ARMC2: variants seen among roughly 807,000 people sequenced by gnomAD.
ARMC2 encodes armadillo repeat-containing protein 2.
Under a neutral mutation model 90.3 loss-of-function variants are expected in ARMC2, and 67 were observed. That is an observed-to-expected ratio of 0.74 (90% confidence interval 0.61 to 0.91). The LOEUF (loss-of-function observed/expected upper bound fraction) is 0.91, where lower values mean the gene tolerates loss of function less well. Among genes scored for constraint, ARMC2 ranks in the 40% least tolerant of loss-of-function variants. The pLI is 0.00. For synonymous variants in ARMC2, 393 were observed against 393.0 expected (o/e 1.00, Z 0.00); for missense variants, 920 against 1,030.9 (o/e 0.89, Z 1.47).
rs1285655494 is a variant in ARMC2 at position 108,890,331 on chromosome 6, A to G, written c.672-4136A>G. Among the ~76,000 whole-genome samples, 10 of 150,646 alleles carry G rather than the reference A, an allele frequency of 6.6e-5. No individual in the cohort carries two copies. The South Asian group carries it at 2.1e-3, about 31-fold the overall frequency. ...GATTTGACTCTGGACTGCTTAGACA[A>G]GTGATTACTGACTCATAAGGAAAGA... is the stretch of plus-strand genomic sequence containing the variant. On this transcript the variant is annotated intron_variant, in intron 5 of 17. Transcript: ENST00000392644.
In ARMC2 at chr6:108,904,119, A is replaced by G. The variant is rs996034575; in HGVS notation, c.848-111A>G. 9 of 1,263,160 alleles carry G rather than the reference A, an allele frequency of 7.1e-6. No homozygotes were observed. In the African/African-American group the frequency reaches 1.4e-4, roughly 19 times the overall value. 78.2% of individuals were successfully genotyped at this position (1,263,160 alleles called of 1,614,324 possible). On this transcript the variant is annotated intron_variant, in intron 7 of 17. Transcript: ENST00000392644. Reference sequence around the variant, plus strand: ...AAAAAAATAGAGGTCAGGAATTTGAAGATATCCAAGGAAATAATTATGGGG... The same window carrying G: ...AAAAAAATAGAGGTCAGGAATTTGAGGATATCCAAGGAAATAATTATGGGG...
chr6:108,951,668 C>G (rs991998921), intron 12 of ARMC2, among the ~76,000 whole-genome samples: 8 of 152,208 alleles, frequency 5.3e-5, no homozygotes, highest in African/African-American at 1.9e-4. Context: ...TGTACTCTGC[C>G]CCCAATCCTC....
At chr6:108,880,936 AC>A in intron 5 of ARMC2, among the ~76,000 whole-genome samples, 1 of 151,224 alleles carries the variant, frequency 6.6e-6, no homozygotes, top group Non-Finnish European at 1.5e-5. Flanking sequence ...GCTCACTGCA[AC>A]CTCCGCCTCC....
At chr6:108,869,235 C>T (rs1000845019) in intron 4 of ARMC2, among the ~76,000 whole-genome samples, 1 of 152,188 alleles carries the variant, frequency 6.6e-6, no homozygotes, top group Non-Finnish European at 1.5e-5. Context: ...TGACTGGGCG[C>T]GGTGGCTCAT....
At chr6:108,938,376 C>T (rs961540329) in intron 12 of ARMC2, among the ~76,000 whole-genome samples, 10 of 150,696 alleles carry the variant, frequency 6.6e-5, no homozygotes, top group African/African-American at 2.2e-4. Context: ...TTTAGCCTCC[C>T]AAGTAGGGAT....
At chr6:108,896,229 T>G (rs191558901) in intron 6 of ARMC2, among the ~76,000 whole-genome samples, 13 of 152,220 alleles carry the variant, frequency 8.5e-5, no homozygotes, top group Admixed American at 2.6e-4. Context: ...AAAGCTGTGG[T>G]TAACAACTAT....
chr6:108,953,326 A>G lies in ARMC2; in HGVS notation c.1890A>G (p.Ile630Met). Reference sequence around the variant, plus strand: ...CGGTGCTGGCCGCCAACCCGGGGATAGTGGGCCTGCTCCTGACCACGCTGG... The same window carrying G: ...CGGTGCTGGCCGCCAACCCGGGGATGGTGGGCCTGCTCCTGACCACGCTGG... ...VGPVLAANPGIVGLLLTTLEY... is the reference protein window; with the variant it reads ...VGPVLAANPGMVGLLLTTLEY... The change falls in exon 13 of 18, where the codon ATA becomes ATG. Residue 630 changes from isoleucine to methionine, a missense_variant. Transcript: ENST00000392644. The G allele has an allele frequency of 1.9e-6, 3 of 1,607,378 alleles. No individual in the cohort carries two copies. Among genetic ancestry groups the G allele is most frequent in the Non-Finnish European group, 2.5e-6 (3 of 1,178,850 alleles).
chr6:108,945,939 C>T (rs949839029), intron 12 of ARMC2, among the ~76,000 whole-genome samples: 9 of 152,248 alleles, frequency 5.9e-5, no homozygotes, highest in African/African-American at 1.9e-4. Context: ...TTGTCCTCTG[C>T]CTCCTGCCTG....
chr6:109,019,229 C>CA, the ARMC2 span, among the ~76,000 whole-genome samples: 1 of 152,124 alleles, frequency 6.6e-6, no homozygotes, highest in Non-Finnish European at 1.5e-5. Flanking sequence ...ACACACCCCT[C>CA]ATGATCTGTA....
downstream of ARMC2, among the ~76,000 whole-genome samples, chr6:108,977,617 C>G (rs981911874): frequency 6.6e-6 from 1 of 152,140 alleles, no homozygotes; most frequent in Non-Finnish European, 1.5e-5. Flanking sequence ...GACTGTGAAT[C>G]TGTCTGGTCC....
rs1344061342 is a variant in ARMC2, at chr6:108,964,243, G to T, written c.2216G>T (p.Gly739Val). Residue 739 changes from glycine to valine, a missense_variant, in exon 16 of 18, where the codon GGT (glycine) becomes GTT (valine). Coordinates refer to ENST00000392644, the MANE Select transcript of ARMC2 (RefSeq NM_032131.6). ...CAGGATATCTGCTTTTCTGCCTGTGGTGTTCTCCTCAATCTCACTGTGGAT... is the reference window on the plus strand; with the variant it reads ...CAGGATATCTGCTTTTCTGCCTGTGTTGTTCTCCTCAATCTCACTGTGGAT... The part of the protein sequence containing the change: ...QHQDICFSAC[G>V]VLLNLTVDKD... The T allele has an allele frequency of 2.5e-6, 4 of 1,613,828 alleles. No homozygotes were observed. The highest frequency in any genetic ancestry group is 3.4e-6 in the Non-Finnish European group (4 of 1,179,866).
At chr6:108,943,568 T>C (rs1236707472) in intron 12 of ARMC2, among the ~76,000 whole-genome samples, 2 of 152,120 alleles carry the variant, frequency 1.3e-5, no homozygotes, top group Admixed American at 6.6e-5. Flanking sequence ...CAGATTGGCC[T>C]GTAATCCCAG....
At chr6:108,902,777 A>G (rs1278338681) in intron 7 of ARMC2, among the ~76,000 whole-genome samples, 1 of 152,172 alleles carries the variant, frequency 6.6e-6, no homozygotes, top group Non-Finnish European at 1.5e-5. Context: ...TTTAAATTTC[A>G]TGAAGGAATC....
the ARMC2 span, among the ~76,000 whole-genome samples, chr6:109,032,013 C>T: frequency 0.1 from 15,162 of 152,032 alleles, 921 homozygotes; most frequent in South Asian, 0.2. Context: ...AATAAAATTT[C>T]GTGTTAAGTA....
At chr6:109,047,708 AAAG>A in the ARMC2 span, among the ~76,000 whole-genome samples, 4 of 146,172 alleles carry the variant, frequency 2.7e-5, no homozygotes, top group South Asian at 7.0e-4. Context: ...GTCTGTGTAG[AAAG>A]AAGTAGACAT....
At chr6:108,998,394 G>A in the ARMC2 span, 3 of 1,161,654 alleles carry the variant, frequency 2.6e-6, no homozygotes, top group Admixed American at 2.1e-5. Context: ...TAGATATAGG[G>A]GCCCAATATC....
At chr6:108,915,927 T>C (rs1046018082) in intron 10 of ARMC2, among the ~76,000 whole-genome samples, 3 of 152,192 alleles carry the variant, frequency 2.0e-5, no homozygotes, top group Non-Finnish European at 2.9e-5. Flanking sequence ...GTATCCGTGA[T>C]ACATGACAGA....
the ARMC2 span, among the ~76,000 whole-genome samples, chr6:109,038,949 G>A: frequency 6.9e-6 from 1 of 145,184 alleles, no homozygotes; most frequent in Non-Finnish European, 1.5e-5. Context: ...AAGAAGAAAA[G>A]AAGGGAGAAG....
At chr6:109,009,342 G>T in the ARMC2 span, 1 of 1,467,944 alleles carries the variant, frequency 6.8e-7, no homozygotes. Context: ...GGCCCGCTCA[G>T]CCCCTCGCCC....
Sources: allele counts gnomAD v4.1 joint callset (sites outside exome capture counted in the v4.1 genomes callset), GRCh38; gene constraint gnomAD v4.1.1; transcripts MANE v1.5; gene names NCBI Gene and HGNC (gene_info 2026-07-23, HGNC 2026-07-21).